Variants in VPS13B observed in about 807,000 individuals in gnomAD.
VPS13B encodes the protein vacuolar protein sorting 13 homolog B, also known as intermembrane lipid transfer protein VPS13B.
In VPS13B, 285 loss-of-function variants were observed where a neutral mutation model predicts 426.4. The observed-to-expected ratio is 0.67, with a 90% CI of 0.61 to 0.74. The LOEUF is 0.74. Ranked by LOEUF, VPS13B falls within the 30% of genes least tolerant of loss-of-function variation. VPS13B has a pLI of 0.00. For missense variants in VPS13B, 4,537 were observed against 4,782.6 expected (o/e 0.95, Z 1.51); for synonymous variants, 1,676 against 1,676.4 (o/e 1.00, Z 0.01).
chr8:99,473,303 A>G (rs1819510262), intron 24 of VPS13B, among the ~76,000 whole-genome samples: 1 of 152,078 alleles, frequency 6.6e-6, no homozygotes, highest in Admixed American at 6.6e-5. Flanking sequence ...GGCATAATAT[A>G]TATATTATAC....
chr8:99,394,220 T>C (rs943950252), intron 21 of VPS13B, among the ~76,000 whole-genome samples: 7 of 152,340 alleles, frequency 4.6e-5, no homozygotes, highest in Admixed American at 2.6e-4. Context: ...CTTATTAAAA[T>C]TATTTTTTAA....
chr8:99,696,982 CG>C (rs1358274643), intron 35 of VPS13B: 1 of 617,988 alleles, frequency 1.6e-6, no homozygotes, highest in Non-Finnish European at 3.0e-6. Flanking sequence ...GGGCTGCAGC[CG>C]GCGTGTGGGA....
intron 19 of VPS13B, among the ~76,000 whole-genome samples, chr8:99,304,276 A>G (rs1402842364): frequency 6.6e-6 from 1 of 152,190 alleles, no homozygotes; most frequent in Non-Finnish European, 1.5e-5. Context: ...AACAAATAAG[A>G]TAGTCTTTGT....
At chr8:99,816,803 T>TA (rs200548810) in intron 44 of VPS13B, among the ~76,000 whole-genome samples, 2,806 of 151,850 alleles carry the variant, frequency 0.018, 56 homozygotes, top group African/African-American at 0.047. Context: ...AGACCCTGTC[T>TA]AAAAAAAACT....
intron 5 of VPS13B, among the ~76,000 whole-genome samples, chr8:99,107,851 A>C (rs1035817205): frequency 6.6e-6 from 1 of 152,142 alleles, no homozygotes; most frequent in Non-Finnish European, 1.5e-5. Flanking sequence ...TTCCTTTCCA[A>C]GTTGTATTTT....
chr8:99,168,509 A>G (rs1459955526), intron 15 of VPS13B, among the ~76,000 whole-genome samples: 3 of 152,082 alleles, frequency 2.0e-5, no homozygotes, highest in African/African-American at 4.8e-5. Flanking sequence ...TGGCAGTTGG[A>G]TATTGTTTTA....
chr8:99,166,523 A>C (rs1222646230), intron 15 of VPS13B, among the ~76,000 whole-genome samples: 1 of 152,198 alleles, frequency 6.6e-6, no homozygotes, highest in African/African-American at 2.4e-5. Flanking sequence ...TAACTTAACC[A>C]AGGAAGTGAA....
In VPS13B at chr8:99,660,235, G is replaced by A. The variant is rs552390736; in HGVS notation, c.5909-1119G>A. Among the ~76,000 whole-genome samples, 14 of 152,152 alleles carry A rather than the reference G, an allele frequency of 9.2e-5. No individual in the cohort carries two copies. The South Asian group carries it at 2.7e-3, about 29-fold the overall frequency. On this transcript the variant is annotated intron_variant, in intron 34 of 61. Transcript: ENST00000357162. Reference sequence around the variant, plus strand: ...GGTTCATATGTGCCAAATTTCATAAGGATCACATGATAAGGTCAAGAAATA... The same window carrying A: ...GGTTCATATGTGCCAAATTTCATAAAGATCACATGATAAGGTCAAGAAATA...
intron 33 of VPS13B, among the ~76,000 whole-genome samples, chr8:99,598,738 T>TTCC (rs1480128812): frequency 6.6e-6 from 1 of 151,980 alleles, no homozygotes; most frequent in South Asian, 2.1e-4. Context: ...CCTTCTCCCC[T>TTCC]TCCTCCTCCT....
At chr8:99,057,187 ATT>A (rs553962391) in intron 3 of VPS13B, among the ~76,000 whole-genome samples, 2 of 145,492 alleles carry the variant, frequency 1.4e-5, no homozygotes, top group African/African-American at 5.0e-5. Flanking sequence ...CACAAAAAGT[ATT>A]TTTTTTTTTG....
At chr8:99,810,975 C>G (rs1374837574) in intron 44 of VPS13B, among the ~76,000 whole-genome samples, 1 of 152,212 alleles carries the variant, frequency 6.6e-6, no homozygotes, top group Non-Finnish European at 1.5e-5. Context: ...AGGAGTGTCA[C>G]TAACTCCCAT....
At chr8:99,290,620 G>A (rs978674105) in intron 19 of VPS13B, among the ~76,000 whole-genome samples, 18 of 149,998 alleles carry the variant, frequency 1.2e-4, no homozygotes, top group East Asian at 3.9e-4. Flanking sequence ...AAACCTGCAC[G>A]TTGTACACAT....
At chr8:99,407,282 G>A (rs1370650735) in intron 21 of VPS13B, among the ~76,000 whole-genome samples, 2 of 152,122 alleles carry the variant, frequency 1.3e-5, no homozygotes. Context: ...TTTAAAAAAG[G>A]TATATGTAAA....
intron 16 of VPS13B, among the ~76,000 whole-genome samples, chr8:99,174,358 T>C (rs1292601507): frequency 5.3e-5 from 8 of 152,206 alleles, no homozygotes; most frequent in Non-Finnish European, 1.5e-5. Context: ...AATTGCTGTA[T>C]CATATGGTAA....
At position 99,238,949 on chromosome 8, in the gene VPS13B, G is replaced by T. The variant is rs112582875; in HGVS notation, c.2516-35249G>T. On this transcript the variant is annotated intron_variant, in intron 17 of 61. Coordinates refer to ENST00000357162, the MANE Select transcript of VPS13B (RefSeq NM_152564.5). Reference sequence around the variant, plus strand: ...TCCAAAAATCTACTGAGAGAGGAAGGTATTTATTTGGCTTACCTGAATTAC... The same window carrying T: ...TCCAAAAATCTACTGAGAGAGGAAGTTATTTATTTGGCTTACCTGAATTAC... Among the ~76,000 whole-genome samples the T allele has an allele frequency of 3.9e-3, 590 of 152,178 alleles. 6 individuals are homozygous for T. Among genetic ancestry groups the T allele is most frequent in the African/African-American group, 0.013 (525 of 41,526 alleles).
intron 24 of VPS13B, among the ~76,000 whole-genome samples, chr8:99,478,447 G>GTTTTTTTTTTTTTTT (rs56261645): frequency 1.0e-3 from 89 of 85,732 alleles, no homozygotes; most frequent in African/African-American, 1.4e-3. Flanking sequence ...TTTTTGTTTT[G>GTTTTTTTTTTTTTTT]TTTTTTTTTT....
At chr8:99,856,994 C>G (rs919785722) in intron 56 of VPS13B, among the ~76,000 whole-genome samples, 1 of 152,194 alleles carries the variant, frequency 6.6e-6, no homozygotes, top group African/African-American at 2.4e-5. Context: ...CTCTCTAACC[C>G]AAAGTCTCAG....
intron 21 of VPS13B, among the ~76,000 whole-genome samples, chr8:99,412,339 A>G (rs1480980696): frequency 1.3e-5 from 2 of 152,220 alleles, no homozygotes; most frequent in Non-Finnish European, 2.9e-5. Flanking sequence ...TCAATTGTGA[A>G]TGGGAATTCC....
At chr8:99,014,473 C>T (rs1381446607) in intron 2 of VPS13B, among the ~76,000 whole-genome samples, 2 of 151,878 alleles carry the variant, frequency 1.3e-5, no homozygotes, top group African/African-American at 4.8e-5. Flanking sequence ...AATGGGATTA[C>T]TTAAAGTTGC....
Sources: gnomAD v4.1 joint callset for allele counts (sites outside exome capture counted in the v4.1 genomes callset) on GRCh38, gnomAD v4.1.1 for gene constraint, MANE v1.5 for transcripts, NCBI Gene and HGNC (gene_info 2026-07-23, HGNC 2026-07-21) for gene names.